CSMD1: variants seen among roughly 807,000 people sequenced by gnomAD.
CSMD1 encodes the protein CUB and sushi domain-containing protein 1.
CSMD1 carries 213 observed loss-of-function variants against 417.5 expected under a neutral mutation model. The observed-to-expected ratio is 0.51, with a 90% CI of 0.46 to 0.57. The LOEUF is 0.57. Among genes scored for constraint, CSMD1 ranks in the 20% least tolerant of loss-of-function variants. CSMD1 has a pLI of 0.00. For synonymous variants in CSMD1, 2,862 were observed against 1,736.8 expected, an observed-to-expected ratio of 1.65 and a Z score of -16.11; for missense variants, 6,923 against 4,529.7, an observed-to-expected ratio of 1.53 and a Z score of -15.17.
chr8:3,812,682 A>G (rs1325030678), intron 5 of CSMD1, among the ~76,000 whole-genome samples: 1 of 152,230 alleles, frequency 6.6e-6, no homozygotes, highest in Non-Finnish European at 1.5e-5. Context: ...ATTGCAACGC[A>G]TGCAAATGAC....
chr8:3,207,239 C>T (rs1481539353), intron 30 of CSMD1, among the ~76,000 whole-genome samples: 2 of 148,648 alleles, frequency 1.3e-5, no homozygotes, highest in African/African-American at 5.0e-5. Context: ...CTCCGCCACC[C>T]GGGTTCAAAC....
intron 25 of CSMD1, 118 bp from the exon 26 acceptor site, chr8:3,284,464 G>A (rs754099443): frequency 1.3e-5 from 9 of 700,170 alleles, no homozygotes; most frequent in Non-Finnish European, 2.2e-5. Context: ...ATGTGCCTCG[G>A]TACTTACTGT....
intron 3 of CSMD1, among the ~76,000 whole-genome samples, chr8:4,132,871 A>T (rs1803195123): frequency 6.6e-6 from 1 of 152,206 alleles, no homozygotes; most frequent in Non-Finnish European, 1.5e-5. Flanking sequence ...TATGAAATTT[A>T]TTCTATTTCT....
chr8:3,799,358 A>G lies in CSMD1; in HGVS notation c.819-45316T>C, dbSNP rs540710575. Among the ~76,000 whole-genome samples, 16 of 148,622 alleles carry G rather than the reference A, an allele frequency of 1.1e-4. No homozygotes were observed. In the South Asian group the frequency reaches 3.4e-3, roughly 31 times the overall value. Reference sequence around the variant, plus strand: ...GTGTGCTGCACCCATTAACTCGTCAATTGCATTAGGTATATCTCCTAATGC... The same window carrying G: ...GTGTGCTGCACCCATTAACTCGTCAGTTGCATTAGGTATATCTCCTAATGC... On this transcript the variant is annotated intron_variant, in intron 5 of 69. Coordinates refer to ENST00000635120, the MANE Select transcript of CSMD1 (RefSeq NM_033225.6).
chr8:4,717,138 GA>G (rs924312837), intron 1 of CSMD1, among the ~76,000 whole-genome samples: 31 of 150,874 alleles, frequency 2.1e-4, no homozygotes, highest in Non-Finnish European at 3.7e-4. Flanking sequence ...TAATCATTAG[GA>G]AAAAAAACTA....
chr8:4,028,836 A>T (rs1797198209), intron 4 of CSMD1, among the ~76,000 whole-genome samples: 1 of 152,242 alleles, frequency 6.6e-6, no homozygotes, highest in East Asian at 1.9e-4. Context: ...AATGTTAGGT[A>T]TGCTTTTAAT....
intron 1 of CSMD1, among the ~76,000 whole-genome samples, chr8:4,752,437 A>G (rs930349899): frequency 1.3e-5 from 2 of 152,212 alleles, no homozygotes; most frequent in African/African-American, 2.4e-5. Context: ...TGATTGTTTC[A>G]TAAAACCTTA....
At chr8:4,715,667 A>C (rs747422294) in intron 1 of CSMD1, among the ~76,000 whole-genome samples, 11 of 152,144 alleles carry the variant, frequency 7.2e-5, no homozygotes, top group Non-Finnish European at 1.5e-4. Flanking sequence ...GATTCATCTT[A>C]ATTTTGGCAA....
chr8:3,271,958 G>A (rs1801889409), intron 26 of CSMD1, among the ~76,000 whole-genome samples: 1 of 152,014 alleles, frequency 6.6e-6, no homozygotes, highest in Non-Finnish European at 1.5e-5. Context: ...GTCAATTTTG[G>A]CTTTTGTTGC....
At chr8:3,994,937 T>C (rs1448082064) in intron 5 of CSMD1, among the ~76,000 whole-genome samples, 1 of 152,176 alleles carries the variant, frequency 6.6e-6, no homozygotes. Context: ...GTATCTGCCC[T>C]CACTCCACTC....
chr8:4,594,666 G>T (rs1800163033), intron 2 of CSMD1, among the ~76,000 whole-genome samples: 1 of 152,166 alleles, frequency 6.6e-6, no homozygotes, highest in Non-Finnish European at 1.5e-5. Flanking sequence ...ATTTTACTCT[G>T]CTGCCCATGT....
At chr8:4,669,687 A>T (rs918015087) in intron 1 of CSMD1, among the ~76,000 whole-genome samples, 3 of 152,124 alleles carry the variant, frequency 2.0e-5, no homozygotes, top group African/African-American at 7.2e-5. Context: ...GTTTTTTGCT[A>T]ACTTGAACAT....
At chr8:4,434,907 C>G (rs1194577256) in intron 2 of CSMD1, among the ~76,000 whole-genome samples, 2 of 152,170 alleles carry the variant, frequency 1.3e-5, no homozygotes, top group African/African-American at 2.4e-5. Flanking sequence ...TTTGTCAGCA[C>G]ATGACTCTGC....
chr8:3,026,253 A>G (rs1809871662), intron 51 of CSMD1, among the ~76,000 whole-genome samples: 1 of 152,136 alleles, frequency 6.6e-6, no homozygotes, highest in African/African-American at 2.4e-5. Flanking sequence ...CAGCAATAAC[A>G]TCAGGTCCTC....
chr8:3,788,647 G>A (rs1346736988), intron 5 of CSMD1, among the ~76,000 whole-genome samples: 1 of 152,122 alleles, frequency 6.6e-6, no homozygotes, highest in Admixed American at 6.5e-5. Flanking sequence ...GCCCTCTGAG[G>A]TAGATAAATG....
intron 2 of CSMD1, among the ~76,000 whole-genome samples, chr8:4,431,301 T>C (rs1797859567): frequency 6.6e-6 from 1 of 152,198 alleles, no homozygotes; most frequent in South Asian, 2.1e-4. Flanking sequence ...TCTCACAAAC[T>C]GTATTTTTAC....
At chr8:4,067,922 C>T (rs953720070) in intron 3 of CSMD1, among the ~76,000 whole-genome samples, 5 of 151,952 alleles carry the variant, frequency 3.3e-5, no homozygotes, top group African/African-American at 9.7e-5. Context: ...ACTAAAAATG[C>T]AAAAATTAAC....
chr8:2,986,650 G>A (rs981764938), intron 54 of CSMD1, among the ~76,000 whole-genome samples: 2 of 151,958 alleles, frequency 1.3e-5, no homozygotes, highest in African/African-American at 4.8e-5. Flanking sequence ...GACTACAGGT[G>A]CCCACCACCA....
chr8:3,831,896 C>G (rs1244643490), intron 5 of CSMD1, among the ~76,000 whole-genome samples: 1 of 152,088 alleles, frequency 6.6e-6, no homozygotes, highest in Non-Finnish European at 1.5e-5. Flanking sequence ...TATGGTAACC[C>G]AGAAATATCA....
Sources: allele counts gnomAD v4.1 joint callset (sites outside exome capture counted in the v4.1 genomes callset), GRCh38; gene constraint gnomAD v4.1.1; transcripts MANE v1.5; gene names NCBI Gene and HGNC (gene_info 2026-07-23, HGNC 2026-07-21).